The following PTPRR variants were observed in gnomAD, a reference collection of about 807,000 sequenced individuals.
PTPRR encodes the protein receptor-type tyrosine-protein phosphatase R.
A neutral mutation model predicts 77.2 loss-of-function variants in PTPRR; 38 were observed. The observed-to-expected ratio is 0.49, with a 90% CI of 0.38 to 0.65. The LOEUF (loss-of-function observed/expected upper bound fraction) is 0.65. Ranked by LOEUF, PTPRR falls within the 30% of genes least tolerant of loss-of-function variation. PTPRR has a pLI of 0.00. For synonymous variants in PTPRR, 299 were observed against 283.1 expected (o/e 1.06, Z -0.57); for missense variants, 744 against 799.2 (o/e 0.93, Z 0.83).
At chr12:70,727,703 T>C (rs991698992) in intron 6 of PTPRR, among the ~76,000 whole-genome samples, 12 of 152,266 alleles carry the variant, frequency 7.9e-5, no homozygotes, top group African/African-American at 1.9e-4. Flanking sequence ...ACTGCACCAA[T>C]AGAGGACTCA....
At chr12:70,701,375 CA>C in intron 6 of PTPRR, 52 bp from the exon 7 acceptor site, 1 of 1,535,098 alleles carries the variant, frequency 6.5e-7, no homozygotes, top group Non-Finnish European at 8.9e-7. Flanking sequence ...ATTTTGATTG[CA>C]AAAACTTGTC....
At chr12:70,639,938 G>A (rs151202792) in intron 13 of PTPRR, among the ~76,000 whole-genome samples, 37 of 151,972 alleles carry the variant, frequency 2.4e-4, no homozygotes, top group African/African-American at 7.5e-4. Flanking sequence ...TTTGGTGTAC[G>A]GGGTGTCTAA....
chr12:70,878,796 G>A (rs1342164506), intron 2 of PTPRR, among the ~76,000 whole-genome samples: 1 of 152,154 alleles, frequency 6.6e-6, no homozygotes, highest in Non-Finnish European at 1.5e-5. Flanking sequence ...AAAGGCACAT[G>A]CACACGTATG....
intron 2 of PTPRR, among the ~76,000 whole-genome samples, chr12:70,817,188 A>G (rs1405224319): frequency 1.3e-5 from 2 of 152,222 alleles, no homozygotes; most frequent in African/African-American, 4.8e-5. Flanking sequence ...AAAGTTTGAT[A>G]CATGGCAGCC....
intron 2 of PTPRR, among the ~76,000 whole-genome samples, chr12:70,833,714 C>T (rs1163030719): frequency 1.3e-5 from 2 of 152,122 alleles, no homozygotes; most frequent in Non-Finnish European, 1.5e-5. Flanking sequence ...AGCTGACAAG[C>T]GGGAAGCTCA....
rs540872056 is a variant in PTPRR at position 70,784,600 on chromosome 12, G to A, written c.358-19822C>T. ...CTCCTCCCAGTACCCTCCCTGCAGC[G>A]GCCGGCATGATGGCAGCAGCCGCAC... On this transcript the variant is annotated intron_variant, in intron 2 of 13. Transcript: ENST00000283228. Among the ~76,000 whole-genome samples the A allele has an allele frequency of 5.3e-5, 8 of 152,336 alleles. No homozygotes were observed. The South Asian group carries it at 1.7e-3, about 32-fold the overall frequency.
intron 2 of PTPRR, among the ~76,000 whole-genome samples, chr12:70,848,611 C>A (rs1435913478): frequency 1.3e-5 from 2 of 152,096 alleles, no homozygotes; most frequent in African/African-American, 2.4e-5. Flanking sequence ...CATGAGCAAC[C>A]ACATCCAGCC....
chr12:70,690,073 T>C (rs76660230), intron 8 of PTPRR, among the ~76,000 whole-genome samples: 2,714 of 152,278 alleles, frequency 0.018, 82 homozygotes, highest in African/African-American at 0.061. Flanking sequence ...GATTCCATCT[T>C]GCTGCCTGGG....
chr12:70,745,597 T>C (rs1469004355), intron 6 of PTPRR, among the ~76,000 whole-genome samples: 1 of 152,196 alleles, frequency 6.6e-6, no homozygotes, highest in Non-Finnish European at 1.5e-5. Context: ...TATACCATCT[T>C]GAATCTAGAC....
At chr12:70,781,387 T>C (rs539858599) in intron 2 of PTPRR, among the ~76,000 whole-genome samples, 2 of 152,262 alleles carry the variant, frequency 1.3e-5, no homozygotes, top group South Asian at 2.1e-4. Flanking sequence ...TGCTGGAGGT[T>C]AAGAAAAATG....
chr12:70,791,965 A>T (rs1157451), intron 2 of PTPRR, among the ~76,000 whole-genome samples: 184 of 152,246 alleles, frequency 1.2e-3, no homozygotes, highest in African/African-American at 4.3e-3. Flanking sequence ...AGGAAAAAAA[A>T]CACAGTGATT....
intron 2 of PTPRR, among the ~76,000 whole-genome samples, chr12:70,773,311 T>C (rs1891020836): frequency 1.3e-5 from 2 of 151,994 alleles, no homozygotes; most frequent in African/African-American, 4.8e-5. Flanking sequence ...GGTGGTGAGG[T>C]GGGATGTAAT....
At chr12:70,907,182 C>T (rs182257715) in intron 1 of PTPRR, among the ~76,000 whole-genome samples, 1 of 152,150 alleles carries the variant, frequency 6.6e-6, no homozygotes, top group East Asian at 1.9e-4. Flanking sequence ...GTGATGTGTC[C>T]AATACATCTA....
chr12:70,717,798 A>C (rs1186568869), intron 6 of PTPRR, among the ~76,000 whole-genome samples: 1 of 152,214 alleles, frequency 6.6e-6, no homozygotes, highest in African/African-American at 2.4e-5. Context: ...TGAAAAGGAA[A>C]ATAAGAATGA....
At chr12:70,831,151 A>AACAAAGAGAGTTTAC (rs1485386475) in intron 2 of PTPRR, among the ~76,000 whole-genome samples, 9 of 152,218 alleles carry the variant, frequency 5.9e-5, no homozygotes, top group African/African-American at 2.2e-4. Flanking sequence ...TAGGAATTTG[A>AACAAAGAGAGTTTAC]ACAAAGAGAG....
rs548519419 is a variant in PTPRR at position 70,672,960 on chromosome 12, C to T, written c.1498-10355G>A. 1.0e-4 allele frequency: 146 copies of T among 1,423,462 alleles called. No homozygotes were observed. The African/African-American group carries it at 2.0e-3, about 20-fold the overall frequency. 88.2% of individuals were successfully genotyped at this position (1,423,462 alleles called of 1,614,324 possible). On this transcript the variant is annotated intron_variant, in intron 10 of 13. Transcript: ENST00000283228. Reference sequence around the variant, plus strand: ...ATGCCAGGTGTGGGCAGGTGCCAGCCCTGTAAGCCTCCTCTTCTAGGTAGA... The same window carrying T: ...ATGCCAGGTGTGGGCAGGTGCCAGCTCTGTAAGCCTCCTCTTCTAGGTAGA...
intron 10 of PTPRR, among the ~76,000 whole-genome samples, chr12:70,668,944 A>T (rs1887112073): frequency 1.3e-5 from 2 of 152,238 alleles, no homozygotes; most frequent in South Asian, 4.1e-4. Context: ...CTGCAATTTG[A>T]CTTAATGAGG....
chr12:70,907,707 G>C (rs1893642727), intron 1 of PTPRR, among the ~76,000 whole-genome samples: 1 of 152,164 alleles, frequency 6.6e-6, no homozygotes, highest in Non-Finnish European at 1.5e-5. Flanking sequence ...TTAAGACCTT[G>C]GGCCTCAGAC....
At chr12:70,813,787 A>G (rs1565706155) in intron 2 of PTPRR, among the ~76,000 whole-genome samples, 1 of 152,198 alleles carries the variant, frequency 6.6e-6, no homozygotes, top group Non-Finnish European at 1.5e-5. Flanking sequence ...GCAGAGTACC[A>G]GAGAGCAGAG....
Sources: allele counts gnomAD v4.1 joint callset (sites outside exome capture counted in the v4.1 genomes callset), GRCh38; gene constraint gnomAD v4.1.1; transcripts MANE v1.5; gene names NCBI Gene and HGNC (gene_info 2026-07-23, HGNC 2026-07-21).